The following SH3RF3 variants were observed in gnomAD, a reference collection of about 807,000 sequenced individuals.
SH3RF3 encodes SH3 domain containing ring finger 3, also known as E3 ubiquitin-protein ligase SH3RF3.
In SH3RF3, 29 loss-of-function variants were observed where a neutral mutation model predicts 66.3. That is an observed-to-expected ratio of 0.44 (90% CI 0.33 to 0.60). The LOEUF (loss-of-function observed/expected upper bound fraction) is 0.60. SH3RF3 is among the 20% of genes least tolerant of loss of function. The probability of loss-of-function intolerance (pLI) is 0.04; values close to 1 mark genes in which losing one functional copy is unlikely to be tolerated. For synonymous variants in SH3RF3, 583 were observed against 532.0 expected (o/e 1.10, Z -1.32); for missense variants, 1,194 against 1,190.9 (o/e 1.00, Z -0.04).
At chr2:109,327,721 TA>T (rs918920921) in intron 1 of SH3RF3, among the ~76,000 whole-genome samples, 23 of 152,340 alleles carry the variant, frequency 1.5e-4, no homozygotes, top group African/African-American at 5.3e-4. Context: ...TAGTACCACT[TA>T]AAATAGCAAC....
chr2:109,234,780 T>A (rs1362398112), intron 1 of SH3RF3, among the ~76,000 whole-genome samples: 2 of 152,190 alleles, frequency 1.3e-5, no homozygotes, highest in Non-Finnish European at 2.9e-5. Context: ...ACAAATTACA[T>A]CTTCACACCT....
At chr2:109,171,540 G>T (rs1405658153) in intron 1 of SH3RF3, among the ~76,000 whole-genome samples, 1 of 152,250 alleles carries the variant, frequency 6.6e-6, no homozygotes, top group Non-Finnish European at 1.5e-5. Flanking sequence ...TTCGCCCGCG[G>T]CGGGCCAGGG....
intron 4 of SH3RF3, among the ~76,000 whole-genome samples, chr2:109,400,964 CT>C (rs1322616859): frequency 3.3e-5 from 5 of 152,222 alleles, no homozygotes; most frequent in African/African-American, 1.2e-4. Context: ...CTAAATTCTT[CT>C]TGAGCACCTC....
chr2:109,448,806 C>T (rs1013464673), intron 7 of SH3RF3, among the ~76,000 whole-genome samples: 17 of 152,192 alleles, frequency 1.1e-4, no homozygotes, highest in Admixed American at 6.5e-4. Context: ...TTGTCTTCCA[C>T]AAAACGGGTC....
At position 109,393,761 on chromosome 2, in the gene SH3RF3, G is replaced by T. The variant is rs539492072; in HGVS notation, c.946-4829G>T. On this transcript the variant is annotated intron_variant, in intron 3 of 9. Coordinates refer to ENST00000309415, the MANE Select transcript of SH3RF3 (RefSeq NM_001099289.3). ...CTGGGTCAGTGCAGGGGCCCAGGGGGACACAACTACTTTGCGCTGTTTTTC... is the reference window on the plus strand; with the variant it reads ...CTGGGTCAGTGCAGGGGCCCAGGGGTACACAACTACTTTGCGCTGTTTTTC... Among the ~76,000 whole-genome samples the T allele has an allele frequency of 7.9e-5, 12 of 151,996 alleles. 1 individual carries two copies. The highest frequency in any genetic ancestry group is 1.8e-4 in the Non-Finnish European group (12 of 68,016).
intron 8 of SH3RF3, among the ~76,000 whole-genome samples, chr2:109,473,112 T>C (rs1414458877): frequency 6.6e-6 from 1 of 152,220 alleles, no homozygotes; most frequent in Non-Finnish European, 1.5e-5. Context: ...CAGCCTGGCA[T>C]TTAATCGCCC....
intron 1 of SH3RF3, among the ~76,000 whole-genome samples, chr2:109,314,834 G>T (rs1423541319): frequency 6.6e-6 from 1 of 152,234 alleles, no homozygotes; most frequent in African/African-American, 2.4e-5. Flanking sequence ...GTGAATAGGA[G>T]AATCAGACCA....
intron 1 of SH3RF3, among the ~76,000 whole-genome samples, chr2:109,299,172 G>C (rs565530913): frequency 7.2e-5 from 11 of 152,308 alleles, no homozygotes; most frequent in African/African-American, 2.4e-4. Context: ...CTGCTCACGG[G>C]GCCTCCTCTG....
intron 1 of SH3RF3, among the ~76,000 whole-genome samples, chr2:109,209,105 C>G (rs1678908556): frequency 6.6e-6 from 1 of 152,226 alleles, no homozygotes; most frequent in Non-Finnish European, 1.5e-5. Context: ...ACAAATGTTG[C>G]CCAACTTTTT....
intron 1 of SH3RF3, among the ~76,000 whole-genome samples, chr2:109,272,190 G>A (rs1680643123): frequency 1.3e-5 from 2 of 152,210 alleles, no homozygotes; most frequent in Non-Finnish European, 2.9e-5. Flanking sequence ...ACCCCCCACA[G>A]CCCTCTGCAA....
chr2:109,503,706 G>A lies in SH3RF3; in HGVS notation c.*2035G>A, dbSNP rs1679455022. 6.6e-6 allele frequency: 1 copy of A among 152,214 alleles called. No homozygotes were observed. The highest frequency in any genetic ancestry group is 2.1e-4 in the South Asian group (1 of 4,832). 9.4% of individuals were successfully genotyped at this position (152,214 alleles called of 1,614,324 possible). A position where few individuals can be genotyped will look rare whatever the true frequency, so the allele number is the denominator to read the frequency against. On this transcript the variant is annotated 3_prime_UTR_variant, in exon 10 of 10. Transcript: ENST00000309415. The stretch of plus-strand genomic sequence containing the variant: ...GTGTTCTCCAGGGAAACCAGACCAA[G>A]TCAAGTCTCCAGGTAACTTTTTTGA...
At chr2:109,443,344 C>G (rs767700394) in intron 7 of SH3RF3, among the ~76,000 whole-genome samples, 1 of 152,206 alleles carries the variant, frequency 6.6e-6, no homozygotes. Flanking sequence ...GTGTTGCCCC[C>G]TATCGGCTCT....
intron 1 of SH3RF3, among the ~76,000 whole-genome samples, chr2:109,248,183 TATTA>T (rs1302360766): frequency 6.6e-6 from 1 of 152,232 alleles, no homozygotes; most frequent in Non-Finnish European, 1.5e-5. Flanking sequence ...ATATTCTGGA[TATTA>T]ATTCTTTCAT....
chr2:109,293,012 G>A (rs572819283), intron 1 of SH3RF3, among the ~76,000 whole-genome samples: 24 of 152,288 alleles, frequency 1.6e-4, no homozygotes, highest in Non-Finnish European at 1.9e-4. Context: ...GATTACAGGC[G>A]TGAGGCACCG....
At chr2:109,237,041 A>G (rs942522763) in intron 1 of SH3RF3, among the ~76,000 whole-genome samples, 1 of 152,226 alleles carries the variant, frequency 6.6e-6, no homozygotes, top group Non-Finnish European at 1.5e-5. Flanking sequence ...ACACAAATGA[A>G]AGCAGTGACA....
At chr2:109,467,132 A>G (rs776269360) in intron 8 of SH3RF3, among the ~76,000 whole-genome samples, 9 of 152,262 alleles carry the variant, frequency 5.9e-5, no homozygotes, top group Non-Finnish European at 1.2e-4. Context: ...TCACTCAGCC[A>G]TTCCACTCCT....
chr2:109,291,550 G>A (rs1441007939), intron 1 of SH3RF3, among the ~76,000 whole-genome samples: 1 of 152,232 alleles, frequency 6.6e-6, no homozygotes, highest in African/African-American at 2.4e-5. Context: ...TGCAGCCGGC[G>A]ATGCCCTTGG....
intron 1 of SH3RF3, among the ~76,000 whole-genome samples, chr2:109,164,282 A>G (rs1677564158): frequency 1.3e-5 from 2 of 152,108 alleles, no homozygotes; most frequent in Non-Finnish European, 2.9e-5. Context: ...TCCTGGGCTC[A>G]AGTGATCCTC....
chr2:109,278,491 G>A (rs772135232), intron 1 of SH3RF3, among the ~76,000 whole-genome samples: 1 of 152,226 alleles, frequency 6.6e-6, no homozygotes, highest in Non-Finnish European at 1.5e-5. Context: ...GGTTGATGAT[G>A]AGGCACAAGG....
Sources: gnomAD v4.1 joint callset for allele counts (sites outside exome capture counted in the v4.1 genomes callset) on GRCh38, gnomAD v4.1.1 for gene constraint, MANE v1.5 for transcripts, NCBI Gene and HGNC (gene_info 2026-07-23, HGNC 2026-07-21) for gene names.